The following LUZP2 variants were observed in gnomAD, a reference collection of about 807,000 sequenced individuals.
The protein encoded by LUZP2 is leucine zipper protein 2.
In LUZP2, 52 loss-of-function variants were observed where a neutral mutation model predicts 51.6. That is an observed-to-expected ratio of 1.01 (90% CI 0.81 to 1.27). The LOEUF (loss-of-function observed/expected upper bound fraction) is 1.27. Among genes scored for constraint, LUZP2 ranks in the 50% most tolerant of loss-of-function variants. LUZP2 has a pLI of 0.00. For synonymous variants in LUZP2, 154 were observed against 137.3 expected (o/e 1.12, Z -0.85); for missense variants, 436 against 395.4 (o/e 1.10, Z -0.87).
intron 1 of LUZP2, among the ~76,000 whole-genome samples, chr11:24,622,918 GA>G (rs1352466256): frequency 6.6e-6 from 1 of 152,088 alleles, no homozygotes; most frequent in Non-Finnish European, 1.5e-5. Context: ...AATATATGTG[GA>G]ACTGTTTTAA....
chr11:24,592,021 C>T (rs1853278043), intron 1 of LUZP2, among the ~76,000 whole-genome samples: 1 of 152,034 alleles, frequency 6.6e-6, no homozygotes, highest in African/African-American at 2.4e-5. Context: ...TAACAAAGAG[C>T]CATTGGGGAA....
chr11:25,001,942 A>G lies in LUZP2; in HGVS notation c.765+18649A>G, dbSNP rs59194674. ...TTCTCCCTTCTCCTTTCCCTTTTTG[A>G]TGGCTTTGGCAGTGTAAGACTGCCA... On this transcript the variant is annotated intron_variant, in intron 9 of 11. Transcript: ENST00000336930. Among the ~76,000 whole-genome samples the G allele has an allele frequency of 9.8e-4, 149 of 151,468 alleles. No individual in the cohort carries two copies. In the East Asian group the frequency reaches 0.025, roughly 25 times the overall value.
At chr11:24,887,192 ATTTTG>A (rs3078895) in intron 5 of LUZP2, among the ~76,000 whole-genome samples, 145,494 of 151,364 alleles carry the variant, frequency 0.96, 70,153 homozygotes, top group Non-Finnish European at 1. Context: ...AGTTTTTTTG[ATTTTG>A]TTTTGTTTTG....
At chr11:24,627,436 G>C (rs765871548) in intron 1 of LUZP2, among the ~76,000 whole-genome samples, 1 of 152,112 alleles carries the variant, frequency 6.6e-6, no homozygotes, top group Non-Finnish European at 1.5e-5. Flanking sequence ...TTGTCTCCCC[G>C]GAGTGGCAAG....
At chr11:24,875,910 A>C (rs1286695311) in intron 5 of LUZP2, among the ~76,000 whole-genome samples, 2 of 151,138 alleles carry the variant, frequency 1.3e-5, no homozygotes, top group African/African-American at 4.9e-5. Flanking sequence ...TCTTTTGAGA[A>C]GTGTCTGTTC....
At chr11:24,507,950 G>A (rs1850190592) in intron 1 of LUZP2, among the ~76,000 whole-genome samples, 1 of 151,136 alleles carries the variant, frequency 6.6e-6, no homozygotes. Context: ...AATTCTCCTA[G>A]AGTGAAAAAA....
At chr11:25,059,398 A>G (rs1029483056) in intron 10 of LUZP2, among the ~76,000 whole-genome samples, 3 of 152,224 alleles carry the variant, frequency 2.0e-5, no homozygotes, top group Non-Finnish European at 4.4e-5. Flanking sequence ...AAAAAGCAAA[A>G]GAGGACATTA....
intron 1 of LUZP2, among the ~76,000 whole-genome samples, chr11:24,613,164 T>C (rs978129735): frequency 1.2e-4 from 18 of 152,142 alleles, no homozygotes; most frequent in African/African-American, 4.3e-4. Flanking sequence ...AGTGTTTTCC[T>C]GTTCTACAGA....
At chr11:24,536,935 A>G (rs1364358832) in intron 1 of LUZP2, among the ~76,000 whole-genome samples, 1 of 151,812 alleles carries the variant, frequency 6.6e-6, no homozygotes, top group Non-Finnish European at 1.5e-5. Context: ...GTTACTAATT[A>G]GTCTAATTCC....
At chr11:24,877,261 C>T (rs1172743041) in intron 5 of LUZP2, among the ~76,000 whole-genome samples, 1 of 151,996 alleles carries the variant, frequency 6.6e-6, no homozygotes, top group Non-Finnish European at 1.5e-5. Flanking sequence ...TTCAAGTAAA[C>T]AGTCTTGTAT....
At chr11:24,516,919 T>A (rs895122318) in intron 1 of LUZP2, among the ~76,000 whole-genome samples, 1 of 152,212 alleles carries the variant, frequency 6.6e-6, no homozygotes, top group Non-Finnish European at 1.5e-5. Flanking sequence ...GAGTTACTTA[T>A]TTTTACATAC....
At chr11:24,947,046 C>T (rs534258371) in intron 7 of LUZP2, among the ~76,000 whole-genome samples, 7 of 151,916 alleles carry the variant, frequency 4.6e-5, no homozygotes, top group South Asian at 2.1e-4. Flanking sequence ...GCCAAAAATC[C>T]GCATATAACT....
At chr11:24,805,387 C>T (rs994473362) in intron 5 of LUZP2, among the ~76,000 whole-genome samples, 1 of 152,090 alleles carries the variant, frequency 6.6e-6, no homozygotes, top group Admixed American at 6.6e-5. Context: ...GGTGGGGACA[C>T]AGCCAAACCA....
intron 10 of LUZP2, among the ~76,000 whole-genome samples, chr11:25,060,980 T>C (rs1222173406): frequency 6.6e-6 from 1 of 152,196 alleles, no homozygotes; most frequent in Non-Finnish European, 1.5e-5. Context: ...TATTCTCCAA[T>C]GTCAAAATTT....
chr11:24,619,909 A>G (rs956182797), intron 1 of LUZP2, among the ~76,000 whole-genome samples: 11 of 152,172 alleles, frequency 7.2e-5, no homozygotes, highest in African/African-American at 2.7e-4. Context: ...ACCTGCAGAT[A>G]AGGAAGGCCA....
chr11:25,008,092 G>C (rs756301673), intron 9 of LUZP2, among the ~76,000 whole-genome samples: 2 of 152,280 alleles, frequency 1.3e-5, no homozygotes, highest in Non-Finnish European at 1.5e-5. Flanking sequence ...GTGACCAGTC[G>C]TGTCCTTACC....
At chr11:24,521,070 G>C (rs1243407161) in intron 1 of LUZP2, among the ~76,000 whole-genome samples, 1 of 152,180 alleles carries the variant, frequency 6.6e-6, no homozygotes, top group African/African-American at 2.4e-5. Context: ...AGATTGTGTG[G>C]CTGGGCGTGG....
intron 1 of LUZP2, among the ~76,000 whole-genome samples, chr11:24,533,697 A>G (rs1253558275): frequency 6.6e-6 from 1 of 151,280 alleles, no homozygotes; most frequent in Non-Finnish European, 1.5e-5. Context: ...TTTAATACTT[A>G]GTAAAACAGT....
chr11:25,066,607 C>T (rs1277659053), intron 10 of LUZP2, among the ~76,000 whole-genome samples: 1 of 151,848 alleles, frequency 6.6e-6, no homozygotes, highest in Non-Finnish European at 1.5e-5. Context: ...TGGGAAATCA[C>T]ATATTTGTGT....
Sources: gnomAD v4.1 joint callset for allele counts (sites outside exome capture counted in the v4.1 genomes callset) on GRCh38, gnomAD v4.1.1 for gene constraint, MANE v1.5 for transcripts, NCBI Gene and HGNC (gene_info 2026-07-23, HGNC 2026-07-21) for gene names.